The following SECISBP2L variants were observed in gnomAD, a reference collection of about 807,000 sequenced individuals.
The protein encoded by SECISBP2L is SECIS binding protein 2 like.
Under a neutral mutation model 114.7 loss-of-function variants are expected in SECISBP2L, and 43 were observed. The ratio of observed to expected loss-of-function variants is 0.38; its 90% CI spans 0.29 to 0.48. SECISBP2L has a LOEUF of 0.48. Ranked by LOEUF, SECISBP2L falls within the 20% of genes least tolerant of loss-of-function variation. SECISBP2L has a pLI of 0.98. For missense variants in SECISBP2L, 1,136 were observed against 1,301.1 expected (o/e 0.87, Z 1.95); for synonymous variants, 451 against 439.7 (o/e 1.03, Z -0.32).
intron 11 of SECISBP2L, 57 bp downstream of exon 11, chr15:49,016,503 A>T: frequency 6.6e-7 from 1 of 1,524,210 alleles, no homozygotes; most frequent in Non-Finnish European, 8.8e-7. Context: ...TCGATTAACA[A>T]CATCTAACAT....
intron 4 of SECISBP2L, among the ~76,000 whole-genome samples, chr15:49,031,802 T>C (rs1216819553): frequency 6.6e-6 from 1 of 152,222 alleles, no homozygotes; most frequent in Non-Finnish European, 1.5e-5. Flanking sequence ...AGAATGTCTT[T>C]GTGGTTAAAA....
chr15:49,004,395 T>A (rs1201667689), intron 14 of SECISBP2L, among the ~76,000 whole-genome samples: 1 of 152,240 alleles, frequency 6.6e-6, no homozygotes, highest in Non-Finnish European at 1.5e-5. Flanking sequence ...CTAGATTCAT[T>A]GACTGTTTGA....
intron 7 of SECISBP2L, among the ~76,000 whole-genome samples, chr15:49,025,069 A>G (rs16961984): frequency 0.16 from 24,843 of 152,178 alleles, 3,264 homozygotes; most frequent in African/African-American, 0.36. Context: ...CAGTCTCAAC[A>G]GAAAATTTCA....
At chr15:49,015,592 C>T (rs1902520541) in intron 11 of SECISBP2L, among the ~76,000 whole-genome samples, 1 of 152,124 alleles carries the variant, frequency 6.6e-6, no homozygotes, top group Non-Finnish European at 1.5e-5. Context: ...TTCCTTTGTT[C>T]TATTCCTCAC....
chr15:49,005,311 C>G (rs978002659), intron 14 of SECISBP2L, among the ~76,000 whole-genome samples: 37 of 144,074 alleles, frequency 2.6e-4, no homozygotes, highest in African/African-American at 8.6e-4. Context: ...GCCTGGGTGA[C>G]AGACCCAGAC....
At position 48,991,776 on chromosome 15, in the gene SECISBP2L, A is replaced by G. The variant is rs1168338463; in HGVS notation, c.*468T>C. ...ATTTTTTAACATACAACACTGGTGG[A>G]CTTAGTTACCCTCAGCCTTTCATTT... On this transcript the variant is annotated 3_prime_UTR_variant, in exon 18 of 18. Coordinates refer to ENST00000559471, the MANE Select transcript of SECISBP2L (RefSeq NM_001193489.2). 6.5e-6 allele frequency: 1 copy of G among 153,646 alleles called. No individual in the cohort carries two copies. Among genetic ancestry groups the G allele is most frequent in the Admixed American group, 6.4e-5 (1 of 15,514 alleles). 9.5% of individuals were successfully genotyped at this position (153,646 alleles called of 1,614,324 possible). A position where few individuals can be genotyped will look rare whatever the true frequency, so the allele number is the denominator to read the frequency against.
chr15:49,045,063 A>C (rs935318915), intron 1 of SECISBP2L, among the ~76,000 whole-genome samples: 14 of 152,210 alleles, frequency 9.2e-5, no homozygotes, highest in African/African-American at 3.1e-4. Flanking sequence ...CTTCTGGGTC[A>C]CATAAATGCC....
chr15:49,030,783 C>T (rs942916337), intron 4 of SECISBP2L, among the ~76,000 whole-genome samples: 1 of 152,118 alleles, frequency 6.6e-6, no homozygotes, highest in Admixed American at 6.5e-5. Context: ...TTTTCATACA[C>T]ATGTGGGGTC....
intron 7 of SECISBP2L, among the ~76,000 whole-genome samples, chr15:49,024,583 C>A (rs1399957074): frequency 6.6e-6 from 1 of 150,918 alleles, no homozygotes; most frequent in Non-Finnish European, 1.5e-5. Flanking sequence ...AACTGGTTAA[C>A]TACTTTGAAA....
At chr15:49,040,989 A>G (rs911522241) in intron 1 of SECISBP2L, among the ~76,000 whole-genome samples, 3 of 152,044 alleles carry the variant, frequency 2.0e-5, no homozygotes, top group Non-Finnish European at 2.9e-5. Context: ...TGAAAAAACT[A>G]GACTAGATAC....
intron 11 of SECISBP2L, among the ~76,000 whole-genome samples, chr15:49,016,083 T>C (rs766773712): frequency 3.3e-5 from 5 of 152,186 alleles, no homozygotes; most frequent in Admixed American, 2.6e-4. Flanking sequence ...AATATGGCTT[T>C]AGTTAGGAGT....
chr15:48,996,396 G>A lies in SECISBP2L; in HGVS notation c.2594C>T (p.Pro865Leu). The A allele has an allele frequency of 1.9e-6, 3 of 1,613,912 alleles. No homozygotes were observed. Among genetic ancestry groups the A allele is most frequent in the Non-Finnish European group, 2.5e-6 (3 of 1,179,952 alleles). The change falls in exon 17 of 18, where the codon CCG becomes CTG. Residue 865 changes from proline (P) to leucine (L), a missense_variant. By Grantham distance (98) the Pro-to-Leu change is moderately conservative. Around this residue, in one of 2 missense-constraint regions of SECISBP2L, gnomAD observed 684 missense variants for 848.7 expected, o/e 0.81. Coordinates refer to ENST00000559471, the MANE Select transcript of SECISBP2L (RefSeq NM_001193489.2). ...TTCCTTTTCATTTACTTCAGAGATC[G>A]GTTCAGAAATAACACTGCAGAAAGA... is the stretch of plus-strand genomic sequence containing the variant. Reference protein sequence around the residue: ...AISFCSVISEPISEVNEKEYE... With the variant: ...AISFCSVISELISEVNEKEYE...
chr15:49,012,946 C>T, intron 11 of SECISBP2L, 129 bp from the exon 12 acceptor site: 2 of 810,852 alleles, frequency 2.5e-6, no homozygotes, highest in Non-Finnish European at 3.8e-6. Context: ...AGTAGGAGCA[C>T]TATACATGGC....
At chr15:49,007,085 G>A (rs1902338990) in intron 14 of SECISBP2L, among the ~76,000 whole-genome samples, 2 of 152,252 alleles carry the variant, frequency 1.3e-5, no homozygotes, top group South Asian at 4.1e-4. Flanking sequence ...TTTGCTGGAG[G>A]TCCACTCCAG....
Position 49,033,147 on chromosome 15 carries a change from ATGTACT to A in SECISBP2L, c.529-53_529-48del, listed in dbSNP as rs768670469. 3.2e-6 allele frequency: 5 copies of A among 1,576,422 alleles called. No individual in the cohort carries two copies. The South Asian group carries it at 5.8e-5, about 18-fold the overall frequency. ...AAAACAAAAAACACACAACTATTCA[ATGTACT>A]GAACATTATAAAAAACACATCTAAA... On this transcript the variant is annotated intron_variant, in intron 3 of 17. Transcript: ENST00000559471.
intron 3 of SECISBP2L, among the ~76,000 whole-genome samples, chr15:49,034,430 T>G (rs955955307): frequency 3.3e-5 from 5 of 152,058 alleles, no homozygotes; most frequent in African/African-American, 1.2e-4. Flanking sequence ...CTTTTTTTTT[T>G]TTTACTTAGT....
chr15:49,021,666 T>C (rs1229487207), intron 7 of SECISBP2L, among the ~76,000 whole-genome samples: 1 of 152,176 alleles, frequency 6.6e-6, no homozygotes, highest in Non-Finnish European at 1.5e-5. Context: ...AGAATTAGTA[T>C]ATATGTATTA....
At chr15:49,040,706 T>G (rs944074157) in intron 1 of SECISBP2L, among the ~76,000 whole-genome samples, 1 of 150,906 alleles carries the variant, frequency 6.6e-6, no homozygotes, top group Non-Finnish European at 1.5e-5. Context: ...CGGCTAATTT[T>G]TTTTTGAATT....
chr15:49,031,783 G>T (rs1902893936), intron 4 of SECISBP2L, among the ~76,000 whole-genome samples: 1 of 152,044 alleles, frequency 6.6e-6, no homozygotes, highest in Non-Finnish European at 1.5e-5. Flanking sequence ...TAATTCCTGT[G>T]CCTTAGAAAG....
Sources: allele counts gnomAD v4.1 joint callset (sites outside exome capture counted in the v4.1 genomes callset), GRCh38; gene constraint gnomAD v4.1.1; regional missense constraint gnomAD v4.1.1; transcripts MANE v1.5; gene names NCBI Gene and HGNC (gene_info 2026-07-23, HGNC 2026-07-21).